The following RB1CC1 variants were observed in gnomAD, a reference collection of about 807,000 sequenced individuals.
The protein encoded by RB1CC1 is RB1 inducible coiled-coil 1.
Under a neutral mutation model 177.5 loss-of-function variants are expected in RB1CC1, and 46 were observed. That is an observed-to-expected ratio of 0.26 (90% CI 0.20 to 0.33). The LOEUF is 0.33. RB1CC1 is among the 10% of genes least tolerant of loss of function. The pLI, the probability that RB1CC1 is intolerant of heterozygous loss-of-function variation, is 1.00. For missense variants in RB1CC1, 1,703 were observed against 1,816.3 expected (o/e 0.94, Z 1.13); for synonymous variants, 666 against 613.6 (o/e 1.09, Z -1.26).
chr8:52,698,367 G>A (rs1280134975), intron 1 of RB1CC1, among the ~76,000 whole-genome samples: 1 of 151,996 alleles, frequency 6.6e-6, no homozygotes, highest in Non-Finnish European at 1.5e-5. Flanking sequence ...CTGTCGCCCA[G>A]GCTGGAGTAC....
At chr8:52,649,332 T>C (rs964785) in intron 15 of RB1CC1, among the ~76,000 whole-genome samples, 32,654 of 152,122 alleles carry the variant, frequency 0.21, 4,398 homozygotes, top group East Asian at 0.65. Context: ...TCACGGAAAC[T>C]TGAAAAAAGG....
intron 15 of RB1CC1, among the ~76,000 whole-genome samples, chr8:52,651,362 T>C (rs1442932347): frequency 6.6e-6 from 1 of 152,268 alleles, no homozygotes; most frequent in Non-Finnish European, 1.5e-5. Flanking sequence ...TTCATTTATA[T>C]AGTCTCACTG....
rs188381945 is a variant in RB1CC1 at position 52,701,864 on chromosome 8, T to C, written c.-167+12211A>G. ...CTCTGTCACCCAGGCTGGAGTGCAG[T>C]GGCACAATCTCAGCTCACTGCAACC... On this transcript the variant is annotated intron_variant, in intron 1 of 23. Transcript: ENST00000025008. Among the ~76,000 whole-genome samples the C allele has an allele frequency of 5.9e-5, 9 of 152,142 alleles. No individual in the cohort carries two copies. In the East Asian group the frequency reaches 1.7e-3, roughly 29 times the overall value.
intron 12 of RB1CC1, 111 bp downstream of exon 12, chr8:52,660,485 T>A: frequency 9.6e-7 from 1 of 1,041,456 alleles, no homozygotes; most frequent in African/African-American, 1.6e-5. Flanking sequence ...TTTATTTTGA[T>A]TTTTTTTAAA....
intron 5 of RB1CC1, among the ~76,000 whole-genome samples, chr8:52,677,883 G>A (rs1030431296): frequency 6.6e-6 from 1 of 152,078 alleles, no homozygotes; most frequent in South Asian, 2.1e-4. Flanking sequence ...TTGAAATGAC[G>A]AGTAAAAGAG....
intron 18 of RB1CC1, among the ~76,000 whole-genome samples, chr8:52,639,555 T>C (rs984782291): frequency 1.3e-5 from 2 of 152,186 alleles, no homozygotes; most frequent in African/African-American, 2.4e-5. Context: ...TTATGAAAAA[T>C]ACTTCTAAAT....
At chr8:52,708,502 G>A (rs1220902372) in intron 1 of RB1CC1, among the ~76,000 whole-genome samples, 1 of 151,678 alleles carries the variant, frequency 6.6e-6, no homozygotes, top group African/African-American at 2.4e-5. Context: ...GGGCAACAGA[G>A]CGAGACTCGT....
At chr8:52,651,991 CAAA>C (rs1015000721) in intron 15 of RB1CC1, among the ~76,000 whole-genome samples, 3 of 152,076 alleles carry the variant, frequency 2.0e-5, no homozygotes, top group Admixed American at 6.6e-5. Flanking sequence ...GATTTAGTAA[CAAA>C]GAAGAATATC....
In RB1CC1 at chr8:52,657,733, G is replaced by C. The variant is rs751619561; in HGVS notation, c.2096C>G (p.Thr699Arg). ...ELSPDSIDAHTFDFETIPHPN... is the reference protein window; with the variant it reads ...ELSPDSIDAHRFDFETIPHPN... ...ATGGGGAATAGTTTCAAAATCAAAC[G>C]TATGTGCATCAATACTATCTGGAGA... The change falls in exon 15 of 24, where the codon ACG becomes AGG. Residue 699 changes from threonine to arginine, a missense_variant. Physicochemically the swap from Thr to Arg is moderately conservative, Grantham distance 71. Coordinates refer to ENST00000025008, the MANE Select transcript of RB1CC1 (RefSeq NM_014781.5). The C allele has an allele frequency of 2.5e-6, 4 of 1,614,000 alleles. No individual in the cohort carries two copies. In the East Asian group the frequency reaches 8.9e-5, roughly 36 times the overall value.
At chr8:52,625,321 A>G (rs1848308025) in intron 22 of RB1CC1, among the ~76,000 whole-genome samples, 1 of 152,160 alleles carries the variant, frequency 6.6e-6, no homozygotes. Context: ...TAAATTAATA[A>G]GGGCTAAGAA....
intron 18 of RB1CC1, among the ~76,000 whole-genome samples, chr8:52,641,121 C>T (rs576514657): frequency 1.3e-5 from 2 of 152,190 alleles, no homozygotes; most frequent in East Asian, 3.9e-4. Flanking sequence ...CGATGACTCA[C>T]ACCTGTAATC....
In RB1CC1 at chr8:52,623,491, C is replaced by T; in HGVS notation, c.*291G>A. On this transcript the variant is annotated 3_prime_UTR_variant, in exon 24 of 24. Coordinates refer to ENST00000025008, the MANE Select transcript of RB1CC1 (RefSeq NM_014781.5). ...ATATGGCTCATCATAAGCCACAATGCACAAGGTATGCCCTTTGAGAAAATG... is the reference window on the plus strand; with the variant it reads ...ATATGGCTCATCATAAGCCACAATGTACAAGGTATGCCCTTTGAGAAAATG... 2.5e-6 allele frequency: 1 copy of T among 397,098 alleles called. No homozygotes were observed. The highest frequency in any genetic ancestry group is 4.8e-6 in the Non-Finnish European group (1 of 208,268). 24.6% of individuals were successfully genotyped at this position (397,098 alleles called of 1,614,324 possible).
Position 52,661,370 on chromosome 8 carries a change from C to T in RB1CC1, c.1359-89G>A. The T allele has an allele frequency of 4.0e-6, 6 of 1,512,316 alleles. No homozygotes were observed. The South Asian group carries it at 6.1e-5, about 15-fold the overall frequency. The allele number at this position is 1,512,316 out of a possible 1,614,324, so 93.7% of individuals were successfully genotyped here. A position where few individuals can be genotyped will look rare whatever the true frequency, so the allele number is the denominator to read the frequency against. ...AGTAAGCTTACTAACTTAGTTAAGC[C>T]AAAGAAATCAAGATATATAAGCTCT... On this transcript the variant is annotated intron_variant, in intron 9 of 23. Coordinates refer to ENST00000025008, the MANE Select transcript of RB1CC1 (RefSeq NM_014781.5).
At chr8:52,651,004 A>C (rs1434659027) in intron 15 of RB1CC1, among the ~76,000 whole-genome samples, 1 of 152,238 alleles carries the variant, frequency 6.6e-6, no homozygotes, top group African/African-American at 2.4e-5. Context: ...CTACACTCAA[A>C]TTGCCAGATC....
chr8:52,654,771 C>T (rs1352983320), intron 15 of RB1CC1, among the ~76,000 whole-genome samples: 1 of 152,030 alleles, frequency 6.6e-6, no homozygotes, highest in African/African-American at 2.4e-5. Flanking sequence ...AATTATCGTC[C>T]CCACCCTTGG....
chr8:52,648,249 C>A (rs907232472), intron 15 of RB1CC1, among the ~76,000 whole-genome samples: 2 of 152,148 alleles, frequency 1.3e-5, no homozygotes, highest in Non-Finnish European at 2.9e-5. Flanking sequence ...GAAAAATAAT[C>A]ATTATCCTGT....
Position 52,624,788 on chromosome 8 carries a change from C to A in RB1CC1, c.4637-1G>T, listed in dbSNP as rs1848265918. The stretch of plus-strand genomic sequence containing the variant: ...CAGGGTCTTCTAGATGCACCTGAAG[C>A]TAATGAAATTAAATAGTTAATCTCT... On this transcript the variant is annotated splice_acceptor_variant, in intron 22 of 23. Transcript: ENST00000025008. LOFTEE classifies it high-confidence loss of function. 2 of 1,527,084 alleles carry A rather than the reference C, an allele frequency of 1.3e-6. No individual in the cohort carries two copies. The highest frequency in any genetic ancestry group is 1.7e-4 in the Middle Eastern group (1 of 5,736). 94.6% of individuals were successfully genotyped at this position (1,527,084 alleles called of 1,614,324 possible).
intron 1 of RB1CC1, among the ~76,000 whole-genome samples, chr8:52,702,692 T>C (rs1229109463): frequency 6.6e-6 from 1 of 151,816 alleles, no homozygotes; most frequent in African/African-American, 2.4e-5. Context: ...TTCCAGCTGG[T>C]TGGCAGAGTG....
chr8:52,661,758 T>C (rs759133434), intron 8 of RB1CC1, 39 bp from the exon 9 acceptor site: 60 of 1,462,378 alleles, frequency 4.1e-5, no homozygotes, highest in Non-Finnish European at 5.3e-5. Flanking sequence ...ATTAATTTTG[T>C]TTCATGAAAG....
Sources: gnomAD v4.1 joint callset for allele counts (sites outside exome capture counted in the v4.1 genomes callset) on GRCh38, gnomAD v4.1.1 for gene constraint, MANE v1.5 for transcripts, NCBI Gene and HGNC (gene_info 2026-07-23, HGNC 2026-07-21) for gene names.